Variants in GCM1 observed in about 807,000 individuals in gnomAD.
GCM1 encodes the protein chorion-specific transcription factor GCMa.
Under a neutral mutation model 25.7 loss-of-function variants are expected in GCM1, and 2 were observed. That is an observed-to-expected ratio of 0.08 (90% confidence interval 0.03 to 0.24). The LOEUF (loss-of-function observed/expected upper bound fraction) is 0.24, where lower values mean the gene tolerates loss of function less well. Ranked by LOEUF, GCM1 falls within the 10% of genes least tolerant of loss-of-function variation. GCM1 has a pLI of 1.00. For synonymous variants in GCM1, 183 were observed against 195.7 expected, an observed-to-expected ratio of 0.94 and a Z score of 0.54; for missense variants, 395 against 538.7, an observed-to-expected ratio of 0.73 and a Z score of 2.64.
At chr6:53,142,693 T>C (rs1763897621) in intron 2 of GCM1, among the ~76,000 whole-genome samples, 1 of 151,976 alleles carries the variant, frequency 6.6e-6, no homozygotes, top group Non-Finnish European at 1.5e-5. Flanking sequence ...ATTAATGAAT[T>C]CCATATTCAA....
intron 2 of GCM1, 123 bp downstream of exon 2, chr6:53,145,435 A>T: frequency 1.4e-6 from 1 of 708,234 alleles, no homozygotes; most frequent in Non-Finnish European, 2.5e-6. Context: ...TCTAGCTGAA[A>T]CTCTAGGGGA....
At position 53,141,688 on chromosome 6, in the gene GCM1, A is replaced by AAAAG. The variant is rs113152737; in HGVS notation, c.75+3866_75+3869dup. 3.0e-3 allele frequency among the ~76,000 whole-genome samples: 452 copies of AAAAG among 151,630 alleles called. 5 individuals carry two copies. Among genetic ancestry groups the AAAAG allele is most frequent in the African/African-American group, 9.3e-3 (382 of 41,282 alleles). On this transcript the variant is annotated intron_variant, in intron 2 of 5. Transcript: ENST00000259803. Reference sequence around the variant, plus strand: ...GGCAGCAGAGCGAGACTCTGTCTGAAAAAGAAAGAAAGAAAGAAAGAAAGA... The same window carrying AAAAG: ...GGCAGCAGAGCGAGACTCTGTCTGAAAAAGAAAGAAAGAAAGAAAGAAAGAAAGA...
rs773268519 is a variant in GCM1, at chr6:53,145,654, G to A, written c.-22C>T. 7.0e-7 allele frequency: 1 copy of A among 1,421,686 alleles called. No homozygotes were observed. The highest frequency in any genetic ancestry group is 9.9e-7 in the Non-Finnish European group (1 of 1,006,578). 88.1% of individuals were successfully genotyped at this position (1,421,686 alleles called of 1,614,324 possible). ...CCATGATAAGGTCAGGCCAGCCAAG[G>A]TTTTCACCTATTCGACTCCCCTCAG... On this transcript the variant is annotated 5_prime_UTR_variant, in exon 2 of 6. Coordinates refer to ENST00000259803, the MANE Select transcript of GCM1 (RefSeq NM_003643.4).
At chr6:53,130,173 T>C (rs914654788) in intron 5 of GCM1, among the ~76,000 whole-genome samples, 14 of 152,188 alleles carry the variant, frequency 9.2e-5, no homozygotes, top group African/African-American at 3.4e-4. Flanking sequence ...GTTCCATCTC[T>C]GTTCTCCCAA....
chr6:53,128,969 C>T (rs374961417), intron 5 of GCM1, 23 bp from the exon 6 acceptor site: 234 of 1,598,048 alleles, frequency 1.5e-4, no homozygotes, highest in Non-Finnish European at 1.8e-4. Flanking sequence ...GTGAAATGCT[C>T]GTGTTAATAA....
rs1327700320 is a variant in GCM1 at position 53,128,393 on chromosome 6, T to C, written c.1124A>G (p.Tyr375Cys). The change falls in exon 6 of 6, where the codon TAC (tyrosine) becomes TGC (cysteine). Residue 375 changes from tyrosine (Y) to cysteine (C), a missense_variant. Around this residue, in one of 5 missense-constraint regions of GCM1, gnomAD observed 291 missense variants for 314.6 expected, o/e 0.92. Coordinates refer to ENST00000259803, the MANE Select transcript of GCM1 (RefSeq NM_003643.4). Reference protein sequence around the residue: ...EEKVHVDFNSYVQSPAYHSPQ... With the variant: ...EEKVHVDFNSCVQSPAYHSPQ... ...TGAATGGTATGCAGGAGACTGGACG[T>C]AGCTGTTAAAATCCACATGTACTTT... 2 of 1,613,858 alleles carry C rather than the reference T, an allele frequency of 1.2e-6. No individual in the cohort carries two copies.
In GCM1 at chr6:53,128,163, C is replaced by A. The variant is rs1371128752; in HGVS notation, c.*43G>T. ...CCTAAGGAAATTCTTTCAGCCCTTC[C>A]CCATTTTTGAGGGGCTGGGGTGCAC... On this transcript the variant is annotated 3_prime_UTR_variant, in exon 6 of 6. Coordinates refer to ENST00000259803, the MANE Select transcript of GCM1 (RefSeq NM_003643.4). The A allele has an allele frequency of 1.3e-6, 2 of 1,500,090 alleles. No homozygotes were observed. The highest frequency in any genetic ancestry group is 2.8e-5 in the African/African-American group (2 of 72,112). The allele number at this position is 1,500,090 out of a possible 1,614,324, so 92.9% of individuals were successfully genotyped here.
intron 2 of GCM1, among the ~76,000 whole-genome samples, chr6:53,139,738 G>A (rs567248972): frequency 3.3e-4 from 50 of 152,078 alleles, no homozygotes; most frequent in Non-Finnish European, 8.8e-5. Flanking sequence ...GCACATGCCT[G>A]TAGTCCCAGC....
intron 5 of GCM1, 62 bp downstream of exon 5, chr6:53,130,741 C>A: frequency 6.9e-7 from 1 of 1,439,300 alleles, no homozygotes; most frequent in South Asian, 1.3e-5. Context: ...AGGAAATCTA[C>A]CGCCCCCAGC....
intron 2 of GCM1, among the ~76,000 whole-genome samples, chr6:53,144,798 C>A (rs1763929717): frequency 6.6e-6 from 1 of 151,184 alleles, no homozygotes; most frequent in African/African-American, 2.4e-5. Flanking sequence ...GCCTATGGTC[C>A]CAGCTACTTG....
intron 2 of GCM1, among the ~76,000 whole-genome samples, chr6:53,140,080 A>G (rs1763853006): frequency 6.6e-6 from 1 of 152,122 alleles, no homozygotes; most frequent in Non-Finnish European, 1.5e-5. Context: ...AGAGTGGCAG[A>G]AGAATTCTGG....
chr6:53,142,491 C>T (rs1763889542), intron 2 of GCM1, among the ~76,000 whole-genome samples: 1 of 152,098 alleles, frequency 6.6e-6, no homozygotes, highest in African/African-American at 2.4e-5. Context: ...CTTTTTCTTT[C>T]TTCACAGTAC....
intron 2 of GCM1, among the ~76,000 whole-genome samples, chr6:53,135,892 G>T (rs1763791619): frequency 6.6e-6 from 1 of 152,248 alleles, no homozygotes. Context: ...ACGTGCCAAA[G>T]AACTTTGTAA....
Position 53,145,749 on chromosome 6 carries a change from C to A in GCM1, c.-117G>T. On this transcript the variant is annotated 5_prime_UTR_variant, in exon 2 of 6. Transcript: ENST00000259803. ...ATCGGCCCACTCAAGCACCTTGGAC[C>A]AGGAGATTGTTTTCTAGGGCTAAAA... 1 of 658,014 alleles carries A rather than the reference C, an allele frequency of 1.5e-6. No homozygotes were observed. 40.8% of individuals were successfully genotyped at this position (658,014 alleles called of 1,614,324 possible). A position where few individuals can be genotyped will look rare whatever the true frequency, so the allele number is the denominator to read the frequency against.
intron 3 of GCM1, 87 bp downstream of exon 3, chr6:53,133,985 T>G: frequency 1.5e-6 from 2 of 1,320,828 alleles, no homozygotes; most frequent in Admixed American, 2.0e-5. Flanking sequence ...GTTTTGCCCT[T>G]GGGCGGTGCT....
At position 53,128,219 on chromosome 6, in the gene GCM1, C is replaced by T. The variant is rs1255510166; in HGVS notation, c.1298G>A (p.Cys433Tyr). 6.2e-7 allele frequency: 1 copy of T among 1,606,504 alleles called. No homozygotes were observed. Among genetic ancestry groups the T allele is most frequent in the Admixed American group, 1.7e-5 (1 of 59,950 alleles). Residue 433 changes from cysteine (C) to tyrosine (Y), a missense_variant, in exon 6 of 6, where the codon TGT becomes TAT. Transcript: ENST00000259803. ...GAAAGATTTGGGTCATCTCAAAGGA[C>T]ACAGGTTCAGAAGCATATCATTGTT... ...HCNNDMLLNL[C>Y]PLR
At chr6:53,133,993 G>A in intron 3 of GCM1, 79 bp downstream of exon 3, 1 of 1,399,396 alleles carries the variant, frequency 7.1e-7, no homozygotes, top group Middle Eastern at 2.2e-4. Flanking sequence ...CTTGGGCGGT[G>A]CTGGGACACA....
At position 53,128,506 on chromosome 6, in the gene GCM1, A is replaced by G; in HGVS notation, c.1011T>C (p.Phe337=). ...FSPSQNSSEP[F]YQQLPLEPPA... ...GTGGCTCCAATGGAAGCTGCTGGTA[A>G]AAGGGTTCTGAAGAGTTTTGGGAAG... The change falls in exon 6 of 6, where the codon TTT becomes TTC. Residue 337 remains phenylalanine (F), a synonymous_variant. Coordinates refer to ENST00000259803, the MANE Select transcript of GCM1 (RefSeq NM_003643.4). 1.2e-6 allele frequency: 2 copies of G among 1,614,138 alleles called. No individual in the cohort carries two copies. The highest frequency in any genetic ancestry group is 1.7e-6 in the Non-Finnish European group (2 of 1,180,012).
intron 3 of GCM1, among the ~76,000 whole-genome samples, chr6:53,133,103 C>T (rs1025729968): frequency 5.9e-5 from 9 of 152,192 alleles, no homozygotes; most frequent in Non-Finnish European, 1.3e-4. Flanking sequence ...GTGGCAAGTC[C>T]AATAAACTAC....
Sources: gnomAD v4.1 joint callset for allele counts (sites outside exome capture counted in the v4.1 genomes callset) on GRCh38, gnomAD v4.1.1 for gene constraint, gnomAD v4.1.1 regional missense constraint, MANE v1.5 for transcripts, NCBI Gene and HGNC (gene_info 2026-07-23, HGNC 2026-07-21) for gene names.